Variants in CBY1 observed in about 807,000 individuals in gnomAD.
CBY1 encodes the protein chibby 1, beta catenin antagonist, also known as protein chibby homolog 1.
Under a neutral mutation model 15.6 loss-of-function variants are expected in CBY1, and 10 were observed. That is an observed-to-expected ratio of 0.64 (90% CI 0.40 to 1.09). CBY1 has a LOEUF of 1.09. Ranked by LOEUF, CBY1 falls within the 50% of genes least tolerant of loss-of-function variation. The pLI is 0.01. For synonymous variants in CBY1, 61 were observed against 63.5 expected (o/e 0.96, Z 0.19); for missense variants, 150 against 160.5 (o/e 0.93, Z 0.35).
intron 1 of CBY1, among the ~76,000 whole-genome samples, chr22:38,667,033 CAG>C (rs2092438619): frequency 1.3e-5 from 2 of 149,176 alleles, no homozygotes; most frequent in African/African-American, 5.0e-5. Flanking sequence ...TTTTTAGAGA[CAG>C]GGTAATGCTC....
chr22:38,670,800 G>T, intron 2 of CBY1, 84 bp from the exon 3 acceptor site: 1 of 833,020 alleles, frequency 1.2e-6, no homozygotes. Flanking sequence ...TGAGTTGTTG[G>T]GGTCATATTG....
At chr22:38,661,537 C>T (rs1189031329) in intron 1 of CBY1, among the ~76,000 whole-genome samples, 2 of 152,194 alleles carry the variant, frequency 1.3e-5, no homozygotes. Context: ...CAAATACCTT[C>T]ATTTATTTAT....
chr22:38,658,007 T>C (rs1177190756), intron 1 of CBY1, among the ~76,000 whole-genome samples: 1 of 152,224 alleles, frequency 6.6e-6, no homozygotes, highest in Non-Finnish European at 1.5e-5. Flanking sequence ...TTGTCACAAT[T>C]TGACCTTTTT....
chr22:38,658,206 A>C (rs1380047585), intron 1 of CBY1, among the ~76,000 whole-genome samples: 1 of 151,852 alleles, frequency 6.6e-6, no homozygotes, highest in Non-Finnish European at 1.5e-5. Context: ...GCTCACTGCA[A>C]CCTCTGCCTC....
chr22:38,667,114 G>A (rs994034157), intron 1 of CBY1, among the ~76,000 whole-genome samples: 1 of 151,724 alleles, frequency 6.6e-6, no homozygotes, highest in Admixed American at 6.6e-5. Context: ...AGGTTCAAGT[G>A]ATCCTCCCAC....
rs1356861949 is a variant in CBY1, at chr22:38,673,644, C to G, written c.*408C>G. 5.2e-6 allele frequency: 1 copy of G among 192,660 alleles called. No individual in the cohort carries two copies. Among genetic ancestry groups the G allele is most frequent in the Non-Finnish European group, 1.1e-5 (1 of 90,420 alleles). The allele number at this position is 192,660 out of a possible 1,614,324, so 11.9% of individuals were successfully genotyped here. ...CGTGTGACAGCAGTTCTACAGAGCT[C>G]TGTGTTGGGGTCATGGATGAGCGGC... On this transcript the variant is annotated 3_prime_UTR_variant, in exon 5 of 5. Coordinates refer to ENST00000216029, the MANE Select transcript of CBY1 (RefSeq NM_015373.4).
intron 1 of CBY1, among the ~76,000 whole-genome samples, chr22:38,663,939 T>C (rs1252318769): frequency 6.6e-6 from 1 of 151,508 alleles, no homozygotes. Context: ...GGAGAATCTC[T>C]TGAACCTGGG....
intron 2 of CBY1, chr22:38,668,702 T>G (rs1723223424): frequency 6.5e-6 from 1 of 152,966 alleles, no homozygotes; most frequent in African/African-American, 2.4e-5. Context: ...TACTTTATTC[T>G]GTGACCTTTT....
chr22:38,671,969 T>A (rs543144954), intron 4 of CBY1, among the ~76,000 whole-genome samples: 83 of 149,984 alleles, frequency 5.5e-4, no homozygotes, highest in African/African-American at 1.1e-3. Flanking sequence ...TTTTTTTTTT[T>A]AAAAAAGGAC....
chr22:38,658,874 T>C (rs1436894986), intron 1 of CBY1, among the ~76,000 whole-genome samples: 1 of 152,264 alleles, frequency 6.6e-6, no homozygotes, highest in Non-Finnish European at 1.5e-5. Context: ...CAGAAGTCTT[T>C]CAGGTTAGTT....
At chr22:38,657,189 C>G in intron 1 of CBY1, 6 of 758,698 alleles carry the variant, frequency 7.9e-6, no homozygotes, top group Non-Finnish European at 9.6e-6. Flanking sequence ...AAAACCTTTA[C>G]ACAATGATTA....
At position 38,673,214 on chromosome 22, in the gene CBY1, G is replaced by A; in HGVS notation, c.359G>A (p.Arg120Lys). 3 of 1,611,722 alleles carry A rather than the reference G, an allele frequency of 1.9e-6. No homozygotes were observed. Among genetic ancestry groups the A allele is most frequent in the Non-Finnish European group, 2.5e-6 (3 of 1,177,882 alleles). The change falls in exon 5 of 5, where the codon AGG (arginine) becomes AAG (lysine). Residue 120 changes from arginine to lysine, a missense_variant. Arg to Lys is a conservative substitution (Grantham distance 26). Coordinates refer to ENST00000216029, the MANE Select transcript of CBY1 (RefSeq NM_015373.4). ...HLMEKELDEL[R>K]ISRKRK ...ATGGAGAAGGAACTGGATGAACTGA[G>A]GATCAGCCGGAAGAGAAAATGAAGA...
chr22:38,672,135 G>A (rs1336405692), intron 4 of CBY1, among the ~76,000 whole-genome samples: 2 of 151,324 alleles, frequency 1.3e-5, no homozygotes, highest in Admixed American at 6.6e-5. Flanking sequence ...GATGGCATGC[G>A]CCTATAATCC....
chr22:38,660,927 A>G (rs1286392937), intron 1 of CBY1, among the ~76,000 whole-genome samples: 2 of 152,066 alleles, frequency 1.3e-5, no homozygotes. Flanking sequence ...TACAGACATA[A>G]GATTAATGCT....
chr22:38,670,646 A>AT (rs1569256248), intron 2 of CBY1: 2 of 437,680 alleles, frequency 4.6e-6, no homozygotes, highest in East Asian at 8.1e-5. Flanking sequence ...CAATTTATAA[A>AT]TTTCAGTATA....
chr22:38,668,065 T>C lies in CBY1; in HGVS notation c.11T>C (p.Phe4Ser), dbSNP rs1192358227. ...TTCATCAGGCCAAAGATGCCTTTCT[T>C]TGGGAATACGTTCAGTCCGAAGAAG... MPF[F>S]GNTFSPKKTP... The change falls in exon 2 of 5, where the codon TTT (phenylalanine) becomes TCT (serine). Residue 4 changes from phenylalanine to serine, a missense_variant. Physicochemically the swap from Phe to Ser is radical, Grantham distance 155 (BLOSUM62 -2). Coordinates refer to ENST00000216029, the MANE Select transcript of CBY1 (RefSeq NM_015373.4). 1.2e-6 allele frequency: 2 copies of C among 1,613,878 alleles called. No individual in the cohort carries two copies. The highest frequency in any genetic ancestry group is 1.7e-6 in the Non-Finnish European group (2 of 1,179,946).
chr22:38,672,360 G>A (rs1334636126), intron 4 of CBY1, among the ~76,000 whole-genome samples: 1 of 151,430 alleles, frequency 6.6e-6, no homozygotes, highest in African/African-American at 2.4e-5. Flanking sequence ...TCGCTCTGTA[G>A]CCTGGGCTGG....
intron 1 of CBY1, among the ~76,000 whole-genome samples, chr22:38,657,957 C>T (rs1888206234): frequency 6.6e-6 from 1 of 151,972 alleles, no homozygotes; most frequent in Non-Finnish European, 1.5e-5. Context: ...CATTAAATCT[C>T]GAGTATATTT....
rs573144613 is a variant in CBY1 at position 38,668,059 on chromosome 22, C to T, written c.5C>T (p.Pro2Leu). Reference protein sequence around the residue: MPFFGNTFSPKK... With the variant: MLFFGNTFSPKK... ...TTTGCTTTCATCAGGCCAAAGATGCCTTTCTTTGGGAATACGTTCAGTCCG... is the reference window on the plus strand; with the variant it reads ...TTTGCTTTCATCAGGCCAAAGATGCTTTTCTTTGGGAATACGTTCAGTCCG... Residue 2 changes from proline (P) to leucine (L), a missense_variant, in exon 2 of 5, where the codon CCT becomes CTT. Pro to Leu is a moderately conservative substitution (Grantham distance 98). Coordinates refer to ENST00000216029, the MANE Select transcript of CBY1 (RefSeq NM_015373.4). The T allele has an allele frequency of 6.2e-7, 1 of 1,613,738 alleles. No individual in the cohort carries two copies. The highest frequency in any genetic ancestry group is 1.3e-5 in the African/African-American group (1 of 75,000).
Sources: gnomAD v4.1 joint callset for allele counts (sites outside exome capture counted in the v4.1 genomes callset) on GRCh38, gnomAD v4.1.1 for gene constraint, MANE v1.5 for transcripts, NCBI Gene and HGNC (gene_info 2026-07-23, HGNC 2026-07-21) for gene names.